Variants in CARF observed in about 807,000 individuals in gnomAD.
The protein encoded by CARF is calcium responsive transcription factor.
In CARF, 57 loss-of-function variants were observed where a neutral mutation model predicts 82.0. The ratio of observed to expected loss-of-function variants is 0.70; its 90% CI spans 0.56 to 0.87. The LOEUF is 0.87. Among genes scored for constraint, CARF ranks in the 40% least tolerant of loss-of-function variants. The pLI is 0.00. For synonymous variants in CARF, 268 were observed against 290.1 expected (o/e 0.92, Z 0.77); for missense variants, 771 against 855.8 (o/e 0.90, Z 1.24).
intron 8 of CARF, among the ~76,000 whole-genome samples, chr2:202,960,821 T>C (rs1174158491): frequency 1.4e-5 from 2 of 146,974 alleles, no homozygotes; most frequent in Non-Finnish European, 3.0e-5. Context: ...TCCTTTCTCC[T>C]TCCAACCTCA....
At chr2:202,973,490 A>G (rs1326114123) in intron 12 of CARF, 1 of 432,976 alleles carries the variant, frequency 2.3e-6, no homozygotes, top group African/African-American at 2.1e-5. Flanking sequence ...AGCCCATCAT[A>G]TTTCATATAA....
chr2:202,936,556 G>A (rs1000783943), intron 3 of CARF, among the ~76,000 whole-genome samples: 15 of 152,130 alleles, frequency 9.9e-5, no homozygotes, highest in Admixed American at 8.5e-4. Flanking sequence ...CTTGGCTTCT[G>A]TCACTTAGCA....
intron 10 of CARF, among the ~76,000 whole-genome samples, chr2:202,969,437 T>G (rs2059686930): frequency 6.6e-6 from 1 of 151,200 alleles, no homozygotes; most frequent in South Asian, 2.1e-4. Flanking sequence ...TAGCCGGGAG[T>G]GGTGGCACAT....
chr2:202,973,571 C>T (rs1181170876), intron 12 of CARF: 1 of 340,002 alleles, frequency 2.9e-6, no homozygotes, highest in African/African-American at 2.2e-5. Context: ...GGCCCAAGCT[C>T]TCTTATTTAC....
rs961182073 is a variant in CARF, at chr2:202,982,157, C to T, written c.1775C>T (p.Ser592Leu). Reference sequence around the variant, plus strand: ...AATAACCAGCCGTCCTCTAGTCCTTCAGGACTTCTGGATACAATAGGAAGT... The same window carrying T: ...AATAACCAGCCGTCCTCTAGTCCTTTAGGACTTCTGGATACAATAGGAAGT... ...SVNNQPSSSP[S>L]GLLDTIGSAV... The change falls in exon 16 of 17, where the codon TCA becomes TTA. Residue 592 changes from serine (S) to leucine (L), a missense_variant. By Grantham distance (145) the Ser-to-Leu change is moderately radical. Coordinates refer to ENST00000438828, the MANE Select transcript of CARF (RefSeq NM_024744.17). The T allele has an allele frequency of 6.2e-7, 1 of 1,614,084 alleles. No individual in the cohort carries two copies. The highest frequency in any genetic ancestry group is 1.1e-5 in the South Asian group (1 of 91,078).
chr2:202,964,859 T>TTATATATATATATACATATATGTGTA (rs2059477114), intron 9 of CARF, among the ~76,000 whole-genome samples: 1 of 141,548 alleles, frequency 7.1e-6, no homozygotes, highest in African/African-American at 2.6e-5. Context: ...TAAGGACTCC[T>TTATATATATATATACATATATGTGTA]TATATATATA....
rs200921986 is a variant in CARF at position 202,969,617 on chromosome 2, A to G, written c.954-302A>G. ...AATAAATAAATAAATAAATAAATAA[A>G]TAAGTAATCCAGGCATGAGGTGATT... On this transcript the variant is annotated intron_variant, in intron 10 of 16. Coordinates refer to ENST00000438828, the MANE Select transcript of CARF (RefSeq NM_024744.17). Among the ~76,000 whole-genome samples the G allele has an allele frequency of 5.6e-3, 690 of 123,818 alleles. 8 individuals are homozygous for G. Among genetic ancestry groups the G allele is most frequent in the East Asian group, 0.048 (201 of 4,198 alleles). The allele number at this position is 123,818 out of a possible 152,430, so 81.2% of individuals were successfully genotyped here. A position where few individuals can be genotyped will look rare whatever the true frequency, so the allele number is the denominator to read the frequency against.
intron 5 of CARF, among the ~76,000 whole-genome samples, chr2:202,951,532 C>T (rs544506838): frequency 1.3e-5 from 2 of 151,946 alleles, no homozygotes; most frequent in Non-Finnish European, 2.9e-5. Flanking sequence ...TGCTTCCAGA[C>T]TTTTTGGAAG....
At chr2:202,945,835 G>T (rs2058470997) in intron 5 of CARF, among the ~76,000 whole-genome samples, 1 of 152,156 alleles carries the variant, frequency 6.6e-6, no homozygotes, top group Non-Finnish European at 1.5e-5. Context: ...CCAGTAATAG[G>T]ATTGCTGGGT....
At chr2:202,981,816 T>C (rs1467087811) in intron 15 of CARF, 131 bp downstream of exon 15, 1 of 1,017,878 alleles carries the variant, frequency 9.8e-7, no homozygotes, top group Non-Finnish European at 1.4e-6. Flanking sequence ...TCATTGTTAA[T>C]TTCCTGATCT....
At chr2:202,924,040 G>A (rs2105961126) in intron 2 of CARF, among the ~76,000 whole-genome samples, 1 of 152,308 alleles carries the variant, frequency 6.6e-6, no homozygotes, top group South Asian at 2.1e-4. Context: ...GACTAATGCT[G>A]ATCAGCATCT....
At chr2:202,940,741 T>C (rs79797201) in intron 3 of CARF, among the ~76,000 whole-genome samples, 2,605 of 152,244 alleles carry the variant, frequency 0.017, 72 homozygotes, top group East Asian at 0.09. Flanking sequence ...ACAAAACTAA[T>C]GTATTAGAAC....
rs551240884 is a variant in CARF at position 202,933,009 on chromosome 2, G to A, written c.-44+8594G>A. On this transcript the variant is annotated intron_variant, in intron 3 of 16. Transcript: ENST00000438828. ...GGGCATGACTGTTCTGGGAGGCCCAGGCATCATTTCCTGGAATGTGGGTAG... is the reference window on the plus strand; with the variant it reads ...GGGCATGACTGTTCTGGGAGGCCCAAGCATCATTTCCTGGAATGTGGGTAG... Among the ~76,000 whole-genome samples, 7 of 152,286 alleles carry A rather than the reference G, an allele frequency of 4.6e-5. No homozygotes were observed. The South Asian group carries it at 1.4e-3, about 32-fold the overall frequency.
intron 10 of CARF, among the ~76,000 whole-genome samples, chr2:202,969,137 A>G (rs1438141798): frequency 6.6e-6 from 1 of 152,094 alleles, no homozygotes; most frequent in Non-Finnish European, 1.5e-5. Context: ...TAAAAATACA[A>G]AAAAAATTAG....
At chr2:202,951,540 AAGTCTGGAAGCATCAGAT>A (rs982703543) in intron 5 of CARF, among the ~76,000 whole-genome samples, 4 of 151,990 alleles carry the variant, frequency 2.6e-5, no homozygotes, top group Non-Finnish European at 4.4e-5. Flanking sequence ...GACTTTTTGG[AAGTCTGGAAGCATCAGAT>A]AGACTTAAAT....
chr2:202,926,897 A>G (rs981647250), intron 3 of CARF, among the ~76,000 whole-genome samples: 2 of 152,146 alleles, frequency 1.3e-5, no homozygotes, highest in African/African-American at 4.8e-5. Flanking sequence ...ATCATAGCTC[A>G]CTGCAGCTCA....
chr2:202,979,496 G>C (rs2076069621), intron 14 of CARF, among the ~76,000 whole-genome samples: 1 of 151,982 alleles, frequency 6.6e-6, no homozygotes, highest in Admixed American at 6.6e-5. Flanking sequence ...TGAGGAAGCT[G>C]AAGTTTAGAA....
At chr2:202,952,264 G>A (rs1332015315) in intron 5 of CARF, among the ~76,000 whole-genome samples, 1 of 152,150 alleles carries the variant, frequency 6.6e-6, no homozygotes. Context: ...AGACAGACTT[G>A]TTCAGATTAC....
At position 202,971,710 on chromosome 2, in the gene CARF, C is replaced by T. The variant is rs2059797250; in HGVS notation, c.1303C>T (p.Gln435Ter). ...IQELVSQGIE[Q>*]VYAVRKQLRK... is the part of the protein sequence containing the mutation. ...AGAATTAGTATCACAGGGAATAGAA[C>T]AAGTGTATGCAGTAAGGAAACAGCT... Residue 435 changes from glutamine (Q) to a stop codon, truncating the protein, a stop_gained, in exon 12 of 17, where the codon CAA becomes TAA. Transcript: ENST00000438828. LOFTEE classifies it high-confidence loss of function. 6.2e-7 allele frequency: 1 copy of T among 1,612,422 alleles called. No individual in the cohort carries two copies. Among genetic ancestry groups the T allele is most frequent in the African/African-American group, 1.3e-5 (1 of 74,862 alleles).
Sources: allele counts gnomAD v4.1 joint callset (sites outside exome capture counted in the v4.1 genomes callset), GRCh38; gene constraint gnomAD v4.1.1; transcripts MANE v1.5; gene names NCBI Gene and HGNC (gene_info 2026-07-23, HGNC 2026-07-21).